TMEM179: variants seen among roughly 807,000 people sequenced by gnomAD.
TMEM179 encodes the protein transmembrane protein 179.
TMEM179 carries 17 observed loss-of-function variants against 22.2 expected under a neutral mutation model. That is an observed-to-expected ratio of 0.77 (90% CI 0.52 to 1.15). The LOEUF (loss-of-function observed/expected upper bound fraction) is 1.15. Among genes scored for constraint, TMEM179 ranks in the 50% most tolerant of loss-of-function variants. The pLI is 0.00. For synonymous variants in TMEM179, 127 were observed against 140.5 expected (o/e 0.90, Z 0.68); for missense variants, 265 against 313.6 (o/e 0.84, Z 1.17).
chr14:104,601,081 C>T (rs371995028), intron 1 of TMEM179, among the ~76,000 whole-genome samples: 31 of 152,372 alleles, frequency 2.0e-4, no homozygotes, highest in East Asian at 1.3e-3. Context: ...GTCTCAGCTC[C>T]GTGGCTGGTC....
chr14:104,604,764 G>T lies in TMEM179; in HGVS notation c.-23C>A. 2.0e-6 allele frequency: 3 copies of T among 1,490,220 alleles called. No individual in the cohort carries two copies. Among genetic ancestry groups the T allele is most frequent in the East Asian group, 2.8e-5 (1 of 35,206 alleles). 92.3% of individuals were successfully genotyped at this position (1,490,220 alleles called of 1,614,324 possible). A position where few individuals can be genotyped will look rare whatever the true frequency, so the allele number is the denominator to read the frequency against. Reference sequence around the variant, plus strand: ...CATGGCCGGCCCGGGCGAGAGCGGCGGCGGGAAGGCCGCGGGAGGCTGCGC... The same window carrying T: ...CATGGCCGGCCCGGGCGAGAGCGGCTGCGGGAAGGCCGCGGGAGGCTGCGC... On this transcript the variant is annotated 5_prime_UTR_variant, in exon 1 of 4. Coordinates refer to ENST00000556573, the MANE Select transcript of TMEM179 (RefSeq NM_001286389.2). The surrounding 1 kb of genome is among the most constrained non-coding windows in gnomAD (Gnocchi z 4.6).
rs1161168328 is a variant in TMEM179 at position 104,595,813 on chromosome 14, C to T, written c.444-570G>A. Among the ~76,000 whole-genome samples, 1 of 152,198 alleles carries T rather than the reference C, an allele frequency of 6.6e-6. No homozygotes were observed. Among genetic ancestry groups the T allele is most frequent in the African/African-American group, 2.4e-5 (1 of 41,448 alleles). On this transcript the variant is annotated intron_variant, in intron 2 of 3. Coordinates refer to ENST00000556573, the MANE Select transcript of TMEM179 (RefSeq NM_001286389.2). This position sits in a 1 kb window ranked among gnomAD's most constrained non-coding sequence, Gnocchi z 5.7. ...CAGAGGGCCCAGGAGTGAGCCAGGC[C>T]TGGGCTCCCGGTAGGTGTCCTGCAC... is the stretch of plus-strand genomic sequence containing the variant.
rs1179251828 is a variant in TMEM179 at position 104,597,130 on chromosome 14, G to A, written c.306-3C>T. The A allele has an allele frequency of 6.3e-7, 1 of 1,587,004 alleles. No individual in the cohort carries two copies. The highest frequency in any genetic ancestry group is 1.1e-5 in the South Asian group (1 of 87,096). ...TCAGGAAGGCGGAGAAGAAGGAGCTGCAGCCAGAAACAGGAGGGGCAGGCT... is the reference window on the plus strand; with the variant it reads ...TCAGGAAGGCGGAGAAGAAGGAGCTACAGCCAGAAACAGGAGGGGCAGGCT... On this transcript the variant is annotated splice_polypyrimidine_tract_variant and splice_region_variant and intron_variant, in intron 1 of 3. Transcript: ENST00000556573. This position sits in a 1 kb window ranked among gnomAD's most constrained non-coding sequence, Gnocchi z 4.8.
chr14:104,595,230 G>A lies in TMEM179; in HGVS notation c.457C>T (p.Gln153Ter), dbSNP rs1168487485. ...ACGCCCAGCTCCAAGTCGATGTCCT[G>A]GAGCTCTTCACAGCTAAAACAGCAG... Reference protein sequence around the residue: ...GTVPHSCEELQDIDLELGVDN... With the variant: ...GTVPHSCEEL Residue 153 changes from glutamine (Q) to a stop codon, truncating the protein, a stop_gained, in exon 3 of 4, where the codon CAG becomes TAG. Transcript: ENST00000556573. LOFTEE classifies it high-confidence loss of function. The surrounding 1 kb of genome is among the most constrained non-coding windows in gnomAD (Gnocchi z 5.7). 3 of 1,613,268 alleles carry A rather than the reference G, an allele frequency of 1.9e-6. No homozygotes were observed. The highest frequency in any genetic ancestry group is 1.7e-5 in the Admixed American group (1 of 59,944).
rs760410158 is a variant in TMEM179, at chr14:104,595,061, G to C, written c.522+104C>G. 4 of 1,581,056 alleles carry C rather than the reference G, an allele frequency of 2.5e-6. No homozygotes were observed. Among genetic ancestry groups the C allele is most frequent in the Admixed American group, 1.7e-5 (1 of 57,294 alleles). On this transcript the variant is annotated intron_variant, in intron 3 of 3. Transcript: ENST00000556573. The surrounding 1 kb of genome is among the most constrained non-coding windows in gnomAD (Gnocchi z 5.7). Reference sequence around the variant, plus strand: ...ATTGCTAACTACCTTATCCACACAGGAGCCTGCCTCCTCCTCTGGATGGGG... The same window carrying C: ...ATTGCTAACTACCTTATCCACACAGCAGCCTGCCTCCTCCTCTGGATGGGG...
At position 104,604,468 on chromosome 14, in the gene TMEM179, T is replaced by C; in HGVS notation, c.274A>G (p.Thr92Ala). ...TGTCCCTTGCAGAGGAAGAAGAGCG[T>C]GCGCCAGGCGTGCGCGGCGGCCAGC... is the stretch of plus-strand genomic sequence containing the variant. The part of the protein sequence containing the change: ...LLLAAAHAWR[T>A]LFFLCKGHEG... The change falls in exon 1 of 4, where the codon ACG becomes GCG. Residue 92 changes from threonine to alanine, a missense_variant. Transcript: ENST00000556573. The surrounding 1 kb of genome is among the most constrained non-coding windows in gnomAD (Gnocchi z 4.6). 1 of 1,581,916 alleles carries C rather than the reference T, an allele frequency of 6.3e-7. No homozygotes were observed. Among genetic ancestry groups the C allele is most frequent in the Non-Finnish European group, 8.6e-7 (1 of 1,168,210 alleles).
chr14:104,597,260 A>AC lies in TMEM179; in HGVS notation c.306-134dup, dbSNP rs908883038. ...CTCCTGGGCAACCCCCACCAGCAGC[A>AC]CCCCCCGGACCCTCAGGATTCCTGG... On this transcript the variant is annotated intron_variant, in intron 1 of 3. Coordinates refer to ENST00000556573, the MANE Select transcript of TMEM179 (RefSeq NM_001286389.2). The surrounding 1 kb of genome is among the most constrained non-coding windows in gnomAD (Gnocchi z 4.8). 3.8e-5 allele frequency: 47 copies of AC among 1,228,458 alleles called. No homozygotes were observed. In the African/African-American group the frequency reaches 6.6e-4, roughly 17 times the overall value. The allele number at this position is 1,228,458 out of a possible 1,614,324, so 76.1% of individuals were successfully genotyped here. A position where few individuals can be genotyped will look rare whatever the true frequency, so the allele number is the denominator to read the frequency against.
Position 104,594,159 on chromosome 14 carries a change from T to C in TMEM179, c.523-501A>G, listed in dbSNP as rs563750198. ...TAAGCTGATTCTCATTTGAGCGTAT[T>C]TGCCATCAGACTGCACTCACACCTT... On this transcript the variant is annotated intron_variant, in intron 3 of 3. Coordinates refer to ENST00000556573, the MANE Select transcript of TMEM179 (RefSeq NM_001286389.2). The C allele has an allele frequency of 7.3e-6, 9 of 1,232,034 alleles. No homozygotes were observed. The Admixed American group carries it at 1.3e-4, about 17-fold the overall frequency. The allele number at this position is 1,232,034 out of a possible 1,614,324, so 76.3% of individuals were successfully genotyped here. A position where few individuals can be genotyped will look rare whatever the true frequency, so the allele number is the denominator to read the frequency against.
At chr14:104,600,899 T>C (rs902848834) in intron 1 of TMEM179, among the ~76,000 whole-genome samples, 4 of 152,184 alleles carry the variant, frequency 2.6e-5, no homozygotes, top group African/African-American at 9.6e-5. Context: ...GGGTGGCCCC[T>C]GGAGGTGGAG....
rs1886971053 is a variant in TMEM179 at position 104,595,054 on chromosome 14, C to T, written c.522+111G>A. The T allele has an allele frequency of 6.4e-7, 1 of 1,568,726 alleles. No individual in the cohort carries two copies. The highest frequency in any genetic ancestry group is 8.7e-7 in the Non-Finnish European group (1 of 1,155,676). ...TGGTCCCATTGCTAACTACCTTATCCACACAGGAGCCTGCCTCCTCCTCTG... is the reference window on the plus strand; with the variant it reads ...TGGTCCCATTGCTAACTACCTTATCTACACAGGAGCCTGCCTCCTCCTCTG... On this transcript the variant is annotated intron_variant, in intron 3 of 3. Transcript: ENST00000556573. This position sits in a 1 kb window ranked among gnomAD's most constrained non-coding sequence, Gnocchi z 5.7.
chr14:104,600,965 G>C (rs1360970002), intron 1 of TMEM179, among the ~76,000 whole-genome samples: 1 of 152,220 alleles, frequency 6.6e-6, no homozygotes, highest in East Asian at 1.9e-4. Context: ...ACCTCTAGCA[G>C]CCAGAGTCTG....
At position 104,595,191 on chromosome 14, in the gene TMEM179, A is replaced by G; in HGVS notation, c.496T>C (p.Phe166Leu). 6.2e-7 allele frequency: 1 copy of G among 1,613,724 alleles called. No homozygotes were observed. The highest frequency in any genetic ancestry group is 1.1e-5 in the South Asian group (1 of 91,032). ...DLELGVDNSA[F>L]YDQFAIAQFG... ...TGGGCAATTGCAAACTGATCGTAGA[A>G]GGCGGAGTTGTCCACGCCCAGCTCC... Residue 166 changes from phenylalanine to leucine, a missense_variant, in exon 3 of 4, where the codon TTC becomes CTC. Coordinates refer to ENST00000556573, the MANE Select transcript of TMEM179 (RefSeq NM_001286389.2). The surrounding 1 kb of genome is among the most constrained non-coding windows in gnomAD (Gnocchi z 5.7).
intron 1 of TMEM179, among the ~76,000 whole-genome samples, chr14:104,602,790 G>A (rs1004490961): frequency 7.2e-5 from 11 of 152,308 alleles, no homozygotes; most frequent in African/African-American, 2.6e-4. Flanking sequence ...GTCCTCCCAG[G>A]CTGACAGCCA....
At chr14:104,598,137 T>G (rs113762026) in intron 1 of TMEM179, among the ~76,000 whole-genome samples, 1,713 of 152,220 alleles carry the variant, frequency 0.011, 28 homozygotes, top group African/African-American at 0.036. Flanking sequence ...CATCTCTGAA[T>G]TGCTCCATCA....
At chr14:104,596,865 C>CA (rs1006388200) in intron 2 of TMEM179, 125 bp downstream of exon 2, 20 of 1,278,818 alleles carry the variant, frequency 1.6e-5, no homozygotes, top group Non-Finnish European at 2.2e-5. Context: ...GCACAGTGCA[C>CA]AGTGGGACCA....
At chr14:104,603,197 C>T (rs535669250) in intron 1 of TMEM179, among the ~76,000 whole-genome samples, 1 of 152,292 alleles carries the variant, frequency 6.6e-6, no homozygotes, top group East Asian at 1.9e-4. Flanking sequence ...TGGCTCCCTC[C>T]CTTCTCCCTG....
chr14:104,600,250 G>A (rs1336423414), intron 1 of TMEM179, among the ~76,000 whole-genome samples: 1 of 152,240 alleles, frequency 6.6e-6, no homozygotes, highest in Non-Finnish European at 1.5e-5. Context: ...ACCAAGGCCA[G>A]GCCAGGACAG....
Position 104,604,310 on chromosome 14 carries a change from T to G in TMEM179, c.305+127A>C. On this transcript the variant is annotated intron_variant, in intron 1 of 3. Coordinates refer to ENST00000556573, the MANE Select transcript of TMEM179 (RefSeq NM_001286389.2). This position sits in a 1 kb window ranked among gnomAD's most constrained non-coding sequence, Gnocchi z 4.6. ...TCTGAGTGGAGGGGGTGAGGGCGGA[T>G]TGTTGACATTTGCGGGCCTCGGAGC... is the stretch of plus-strand genomic sequence containing the variant. 2 of 1,037,610 alleles carry G rather than the reference T, an allele frequency of 1.9e-6. No homozygotes were observed. The highest frequency in any genetic ancestry group is 1.8e-5 in the South Asian group (1 of 57,042). The allele number at this position is 1,037,610 out of a possible 1,614,324, so 64.3% of individuals were successfully genotyped here. A position where few individuals can be genotyped will look rare whatever the true frequency, so the allele number is the denominator to read the frequency against.
rs754206533 is a variant in TMEM179, at chr14:104,595,195, G to A, written c.492C>T (p.Ser164=). 1.2e-5 allele frequency: 20 copies of A among 1,613,550 alleles called. No homozygotes were observed. The highest frequency in any genetic ancestry group is 1.7e-5 in the Admixed American group (1 of 59,976). Residue 164 remains serine, a synonymous_variant, in exon 3 of 4, where the codon TCC becomes TCT. Transcript: ENST00000556573. This position sits in a 1 kb window ranked among gnomAD's most constrained non-coding sequence, Gnocchi z 5.7. ...CAATTGCAAACTGATCGTAGAAGGC[G>A]GAGTTGTCCACGCCCAGCTCCAAGT... ...DIDLELGVDN[S]AFYDQFAIAQ... is the part of the protein sequence containing the mutation.
Sources: gnomAD v4.1 joint callset for allele counts (sites outside exome capture counted in the v4.1 genomes callset) on GRCh38, gnomAD v4.1.1 for gene constraint, Gnocchi (gnomAD v3.1) non-coding constraint, MANE v1.5 for transcripts, NCBI Gene and HGNC (gene_info 2026-07-23, HGNC 2026-07-21) for gene names.